Variants in TANC2 observed in about 807,000 individuals in gnomAD.
TANC2 encodes the protein tetratricopeptide repeat, ankyrin repeat and coiled-coil containing 2.
A neutral mutation model predicts 210.5 loss-of-function variants in TANC2; 26 were observed. That is an observed-to-expected ratio of 0.12 (90% CI 0.09 to 0.17). The LOEUF (loss-of-function observed/expected upper bound fraction) is 0.17, where lower values mean the gene tolerates loss of function less well. Among genes scored for constraint, TANC2 ranks in the 10% least tolerant of loss-of-function variants. The pLI is 1.00. For synonymous variants in TANC2, 931 were observed against 967.1 expected, an observed-to-expected ratio of 0.96 and a Z score of 0.69; for missense variants, 2,129 against 2,608.9, an observed-to-expected ratio of 0.82 and a Z score of 4.01.
intron 17 of TANC2, among the ~76,000 whole-genome samples, chr17:63,393,894 C>T (rs779125165): frequency 2.6e-5 from 4 of 151,956 alleles, no homozygotes; most frequent in African/African-American, 7.3e-5. Context: ...CCTCACCCTC[C>T]GGAGTAGCTG....
At chr17:63,067,915 G>A (rs186989162) in intron 2 of TANC2, among the ~76,000 whole-genome samples, 1 of 152,274 alleles carries the variant, frequency 6.6e-6, no homozygotes, top group Admixed American at 6.5e-5. Context: ...TTATAGCTGG[G>A]AATTTGTCAA....
chr17:63,217,427 T>A (rs969655189), intron 7 of TANC2, among the ~76,000 whole-genome samples: 8 of 152,370 alleles, frequency 5.3e-5, no homozygotes, highest in Admixed American at 5.2e-4. Flanking sequence ...TTTTATTTTT[T>A]AAATTTATTT....
At chr17:63,245,734 C>T (rs2042897645) in intron 8 of TANC2, among the ~76,000 whole-genome samples, 1 of 151,304 alleles carries the variant, frequency 6.6e-6, no homozygotes, top group Non-Finnish European at 1.5e-5. Context: ...CCCAGCTACT[C>T]GGGAGGCTGA....
intron 12 of TANC2, among the ~76,000 whole-genome samples, chr17:63,349,299 A>G (rs1389205748): frequency 6.6e-6 from 1 of 152,214 alleles, no homozygotes; most frequent in Non-Finnish European, 1.5e-5. Context: ...TCATTCATTA[A>G]AATGTCTGGA....
At chr17:63,275,267 A>T (rs1421962881) in intron 9 of TANC2, among the ~76,000 whole-genome samples, 1 of 152,172 alleles carries the variant, frequency 6.6e-6, no homozygotes, top group East Asian at 1.9e-4. Context: ...ACTAAATCTC[A>T]TTACATAAAA....
chr17:63,123,853 C>T (rs1328887534), intron 4 of TANC2, among the ~76,000 whole-genome samples: 1 of 151,430 alleles, frequency 6.6e-6, no homozygotes, highest in Non-Finnish European at 1.5e-5. Flanking sequence ...AGGTACCTGC[C>T]ACCACGCCCA....
chr17:63,377,291 T>G (rs2047456136), intron 14 of TANC2, among the ~76,000 whole-genome samples: 1 of 152,216 alleles, frequency 6.6e-6, no homozygotes, highest in South Asian at 2.1e-4. Context: ...CTTAGATTTC[T>G]CCCTAGAAAA....
At chr17:63,160,078 G>A (rs1261148989) in intron 5 of TANC2, among the ~76,000 whole-genome samples, 2 of 152,194 alleles carry the variant, frequency 1.3e-5, no homozygotes, top group Admixed American at 6.5e-5. Context: ...GAGCAGAGAG[G>A]TTTCTCTTCT....
In TANC2 at chr17:62,998,051, G is replaced by A. The variant is rs1292987184; in HGVS notation, c.-23-11486G>A. On this transcript the variant is annotated intron_variant, in intron 1 of 27. Coordinates refer to ENST00000689528, the Ensembl canonical transcript of TANC2. Reference sequence around the variant, plus strand: ...CTGTAAAATGAAACAGGAGCTGAAAGATGAAATGGCCATTTTAAGATCCAG... The same window carrying A: ...CTGTAAAATGAAACAGGAGCTGAAAAATGAAATGGCCATTTTAAGATCCAG... Among the ~76,000 whole-genome samples the A allele has an allele frequency of 2.0e-5, 3 of 152,172 alleles. No homozygotes were observed. In the East Asian group the frequency reaches 5.8e-4, roughly 29 times the overall value.
chr17:63,363,812 A>C (rs982012313), intron 14 of TANC2, among the ~76,000 whole-genome samples: 1 of 152,144 alleles, frequency 6.6e-6, no homozygotes, highest in Non-Finnish European at 1.5e-5. Context: ...CTTGCTTAGG[A>C]TAGCTTTGGC....
chr17:63,026,379 G>A (rs1598277641), intron 2 of TANC2, among the ~76,000 whole-genome samples: 1 of 152,010 alleles, frequency 6.6e-6, no homozygotes, highest in Non-Finnish European at 1.5e-5. Flanking sequence ...GACATTTTAA[G>A]GATAACTCTG....
intron 8 of TANC2, among the ~76,000 whole-genome samples, chr17:63,240,819 C>G (rs1243402299): frequency 2.0e-5 from 3 of 152,208 alleles, no homozygotes; most frequent in Admixed American, 6.5e-5. Flanking sequence ...GAAACTTTCT[C>G]CAGTCATCTC....
chr17:63,381,324 C>T (rs552901007), intron 15 of TANC2: 1 of 152,270 alleles, frequency 6.6e-6, no homozygotes, highest in Non-Finnish European at 1.5e-5. Flanking sequence ...TGATTCAAGC[C>T]ATAAATACTC....
rs561997635 is a variant in TANC2, at chr17:63,192,042, C to G, written c.434-1949C>G. On this transcript the variant is annotated intron_variant, in intron 5 of 27. Coordinates refer to ENST00000689528, the Ensembl canonical transcript of TANC2. ...GCCCCCACTAATTCATCTACTAGGCCTTTCATAATGTGTAAAATTTTACTC... is the reference window on the plus strand; with the variant it reads ...GCCCCCACTAATTCATCTACTAGGCGTTTCATAATGTGTAAAATTTTACTC... Among the ~76,000 whole-genome samples, 5 of 152,194 alleles carry G rather than the reference C, an allele frequency of 3.3e-5. No individual in the cohort carries two copies. In the South Asian group the frequency reaches 1.0e-3, roughly 32 times the overall value.
chr17:63,195,140 C>T (rs936379718), intron 6 of TANC2, among the ~76,000 whole-genome samples: 2 of 152,148 alleles, frequency 1.3e-5, no homozygotes, highest in Non-Finnish European at 2.9e-5. Context: ...TCAAGCCTCA[C>T]TCCTTAGGTT....
intron 4 of TANC2, among the ~76,000 whole-genome samples, chr17:63,120,316 C>G (rs573526128): frequency 6.6e-6 from 1 of 152,154 alleles, no homozygotes; most frequent in African/African-American, 2.4e-5. Flanking sequence ...ATAATAATCC[C>G]TATTATGCTG....
At chr17:63,266,764 T>C (rs1323914086) in intron 8 of TANC2, among the ~76,000 whole-genome samples, 1 of 152,150 alleles carries the variant, frequency 6.6e-6, no homozygotes, top group Non-Finnish European at 1.5e-5. Context: ...AAAAAGATAA[T>C]CTTAGGGGTT....
At chr17:63,177,222 G>A (rs1050605910) in intron 5 of TANC2, among the ~76,000 whole-genome samples, 2 of 137,522 alleles carry the variant, frequency 1.5e-5, no homozygotes, top group African/African-American at 5.7e-5. Context: ...CCATGACTGT[G>A]CCATTGTACT....
chr17:63,195,767 C>T (rs2041324713), intron 6 of TANC2, among the ~76,000 whole-genome samples: 1 of 152,150 alleles, frequency 6.6e-6, no homozygotes, highest in Non-Finnish European at 1.5e-5. Flanking sequence ...AGTTCTGTCA[C>T]TTTGCTTGTA....
Sources: allele counts gnomAD v4.1 joint callset (sites outside exome capture counted in the v4.1 genomes callset), GRCh38; gene constraint gnomAD v4.1.1; transcripts MANE v1.5; gene names NCBI Gene and HGNC (gene_info 2026-07-23, HGNC 2026-07-21).